Variants in MOB1B observed in about 807,000 individuals in gnomAD.
MOB1B encodes the protein MOB1 Mps One Binder homolog B.
Under a neutral mutation model 24.4 loss-of-function variants are expected in MOB1B, and 19 were observed. The observed-to-expected ratio is 0.78, with a 90% CI of 0.54 to 1.14. The LOEUF (loss-of-function observed/expected upper bound fraction) is 1.14. Ranked by LOEUF, MOB1B falls within the 50% of genes most tolerant of loss-of-function variation. The pLI is 0.00. For missense variants in MOB1B, 243 were observed against 259.6 expected, an observed-to-expected ratio of 0.94 and a Z score of 0.44; for synonymous variants, 76 against 82.1, an observed-to-expected ratio of 0.93 and a Z score of 0.40.
In MOB1B at chr4:70,902,463, TTCC is replaced by T; in HGVS notation, c.-71_-69del. The T allele has an allele frequency of 6.6e-7, 1 of 1,505,064 alleles. No individual in the cohort carries two copies. Among genetic ancestry groups the T allele is most frequent in the Non-Finnish European group, 9.0e-7 (1 of 1,105,452 alleles). The allele number at this position is 1,505,064 out of a possible 1,614,324, so 93.2% of individuals were successfully genotyped here. A position where few individuals can be genotyped will look rare whatever the true frequency, so the allele number is the denominator to read the frequency against. On this transcript the variant is annotated 5_prime_UTR_variant, in exon 1 of 6. Transcript: ENST00000309395. ...TCCCTGTCTCCTGTTCCATTCGCCT[TTCC>T]TCTTCTTTCCTGGCCCACGCCGCTC...
At chr4:70,952,804 A>G (rs116368273) in intron 1 of MOB1B, among the ~76,000 whole-genome samples, 1 of 151,916 alleles carries the variant, frequency 6.6e-6, no homozygotes, top group African/African-American at 2.4e-5. Context: ...ATGTCTTAAA[A>G]TATGTGAGAT....
chr4:70,920,909 C>T (rs1394930234), intron 1 of MOB1B, among the ~76,000 whole-genome samples: 1 of 152,202 alleles, frequency 6.6e-6, no homozygotes, highest in Admixed American at 6.6e-5. Context: ...CTCCATTAAT[C>T]TCTACTGATA....
At chr4:70,970,224 A>C (rs1738701626) in intron 3 of MOB1B, among the ~76,000 whole-genome samples, 200 bp downstream of exon 3, 1 of 152,020 alleles carries the variant, frequency 6.6e-6, no homozygotes, top group African/African-American at 2.4e-5. Context: ...TGTCTTCTCT[A>C]GTCTGTCCTA....
At chr4:70,940,369 G>T (rs2148884478) in intron 1 of MOB1B, among the ~76,000 whole-genome samples, 2 of 152,292 alleles carry the variant, frequency 1.3e-5, no homozygotes, top group Non-Finnish European at 2.9e-5. Flanking sequence ...GTTGCAGTGA[G>T]CTAAGATCGC....
At chr4:70,903,665 A>C (rs989983434) in intron 1 of MOB1B, among the ~76,000 whole-genome samples, 1 of 152,176 alleles carries the variant, frequency 6.6e-6, no homozygotes, top group Non-Finnish European at 1.5e-5. Flanking sequence ...CTTGCCTAAT[A>C]ATTTTTAGTC....
At chr4:70,930,044 C>T (rs760315029) in intron 1 of MOB1B, among the ~76,000 whole-genome samples, 7 of 152,016 alleles carry the variant, frequency 4.6e-5, no homozygotes, top group African/African-American at 1.5e-4. Context: ...CATGAGCCAC[C>T]GTGCCTGGCC....
At chr4:70,943,737 G>T (rs552539200) in intron 1 of MOB1B, among the ~76,000 whole-genome samples, 12 of 151,874 alleles carry the variant, frequency 7.9e-5, no homozygotes, top group Non-Finnish European at 1.8e-4. Context: ...TACCTAAATG[G>T]GTTTATATAT....
At chr4:70,906,578 T>C (rs544151961) in intron 1 of MOB1B, among the ~76,000 whole-genome samples, 3 of 152,276 alleles carry the variant, frequency 2.0e-5, no homozygotes, top group Non-Finnish European at 4.4e-5. Flanking sequence ...GATTTTTGGA[T>C]AGGGAGTTGA....
chr4:70,919,937 C>G (rs937760131), intron 1 of MOB1B, among the ~76,000 whole-genome samples: 3 of 152,142 alleles, frequency 2.0e-5, no homozygotes, highest in African/African-American at 7.2e-5. Context: ...CAGGCCTTAC[C>G]TAGCTGGAAA....
chr4:70,917,236 C>A (rs1736230676), intron 1 of MOB1B, among the ~76,000 whole-genome samples: 1 of 152,122 alleles, frequency 6.6e-6, no homozygotes, highest in South Asian at 2.1e-4. Flanking sequence ...AGGTTTCTTA[C>A]CTACATTGGG....
chr4:70,920,276 C>T (rs1245378530), intron 1 of MOB1B, among the ~76,000 whole-genome samples: 1 of 152,036 alleles, frequency 6.6e-6, no homozygotes, highest in East Asian at 1.9e-4. Context: ...TTCTCCTTCT[C>T]CTTCAACAGT....
chr4:70,983,420 G>C lies in MOB1B; in HGVS notation c.*1363G>C, dbSNP rs571409143. The C allele has an allele frequency of 1.3e-5, 2 of 152,448 alleles. No individual in the cohort carries two copies. The highest frequency in any genetic ancestry group is 4.1e-4 in the South Asian group (2 of 4,822). The allele number at this position is 152,448 out of a possible 1,614,324, so 9.4% of individuals were successfully genotyped here. A position where few individuals can be genotyped will look rare whatever the true frequency, so the allele number is the denominator to read the frequency against. ...ATTTTATTCGCCATGACTTTCTAGT[G>C]AATTATTACCATAAATAACAATTTC... is the stretch of plus-strand genomic sequence containing the variant. On this transcript the variant is annotated 3_prime_UTR_variant, in exon 6 of 6. Coordinates refer to ENST00000309395, the MANE Select transcript of MOB1B (RefSeq NM_173468.4).
chr4:70,960,600 A>G (rs908249027), intron 2 of MOB1B, among the ~76,000 whole-genome samples: 2 of 152,190 alleles, frequency 1.3e-5, no homozygotes, highest in African/African-American at 4.8e-5. Flanking sequence ...GTGATGTCTT[A>G]AAACTTACCA....
At chr4:70,915,670 C>T (rs185395986) in intron 1 of MOB1B, among the ~76,000 whole-genome samples, 81 of 152,180 alleles carry the variant, frequency 5.3e-4, no homozygotes, top group Non-Finnish European at 9.7e-4. Flanking sequence ...ATTTTCCTAC[C>T]TCATCTGCCC....
chr4:70,953,875 C>T lies in MOB1B; in HGVS notation c.15-4999C>T, dbSNP rs536830425. 7.9e-5 allele frequency among the ~76,000 whole-genome samples: 12 copies of T among 152,116 alleles called. No individual in the cohort carries two copies. The South Asian group carries it at 1.9e-3, about 24-fold the overall frequency. On this transcript the variant is annotated intron_variant, in intron 1 of 5. Coordinates refer to ENST00000309395, the MANE Select transcript of MOB1B (RefSeq NM_173468.4). ...AGGAGAATCACTTGAACTTGGGAGG[C>T]GGAGGTTTCAATGAGCCAAGATTAT... is the stretch of plus-strand genomic sequence containing the variant.
intron 1 of MOB1B, among the ~76,000 whole-genome samples, chr4:70,931,363 G>A (rs1736883634): frequency 1.3e-5 from 2 of 152,066 alleles, no homozygotes; most frequent in Admixed American, 6.5e-5. Context: ...TTTAGGTGGT[G>A]GTAGTTACAA....
At chr4:70,974,762 G>A (rs928829248) in intron 3 of MOB1B, among the ~76,000 whole-genome samples, 6 of 152,128 alleles carry the variant, frequency 3.9e-5, no homozygotes, top group Admixed American at 3.3e-4. Context: ...AAGTTAAAAA[G>A]AATTGTACTG....
intron 1 of MOB1B, among the ~76,000 whole-genome samples, chr4:70,930,965 CTTTTT>C (rs71211981): frequency 2.6e-5 from 3 of 114,264 alleles, no homozygotes; most frequent in Non-Finnish European, 3.5e-5. Context: ...TGTACCTTTC[CTTTTT>C]TTTTTTTTTT....
At chr4:70,974,909 A>T (rs1380642681) in intron 3 of MOB1B, among the ~76,000 whole-genome samples, 1 of 152,210 alleles carries the variant, frequency 6.6e-6, no homozygotes, top group Non-Finnish European at 1.5e-5. Flanking sequence ...TATGGTGGCT[A>T]TGTAAAAAAA....
Sources: allele counts gnomAD v4.1 joint callset (sites outside exome capture counted in the v4.1 genomes callset), GRCh38; gene constraint gnomAD v4.1.1; transcripts MANE v1.5; gene names NCBI Gene and HGNC (gene_info 2026-07-23, HGNC 2026-07-21).